MTUS2: variants seen among roughly 807,000 people sequenced by gnomAD.
MTUS2 encodes microtubule associated scaffold protein 2.
Under a neutral mutation model 114.1 loss-of-function variants are expected in MTUS2, and 40 were observed. That is an observed-to-expected ratio of 0.35 (90% CI 0.27 to 0.46). The LOEUF is 0.46. Among genes scored for constraint, MTUS2 ranks in the 20% least tolerant of loss-of-function variants. The pLI is 1.00. For synonymous variants in MTUS2, 688 were observed against 672.0 expected (o/e 1.02, Z -0.37); for missense variants, 1,679 against 1,705.4 (o/e 0.98, Z 0.27).
At chr13:29,248,064 G>T (rs1347077318) in intron 5 of MTUS2, among the ~76,000 whole-genome samples, 1 of 152,260 alleles carries the variant, frequency 6.6e-6, no homozygotes, top group African/African-American at 2.4e-5. Flanking sequence ...ATACTATTCA[G>T]CCATAAAAAG....
At chr13:29,218,333 T>G (rs959779015) in intron 5 of MTUS2, among the ~76,000 whole-genome samples, 4 of 152,240 alleles carry the variant, frequency 2.6e-5, no homozygotes, top group African/African-American at 9.6e-5. Flanking sequence ...TCGTTTGCTA[T>G]TTCTACCACA....
intron 5 of MTUS2, among the ~76,000 whole-genome samples, chr13:29,234,776 C>T (rs1896469650): frequency 6.6e-6 from 1 of 152,150 alleles, no homozygotes; most frequent in African/African-American, 2.4e-5. Context: ...CACAACCCCT[C>T]CTATTCTCAC....
chr13:29,480,446 A>G lies in MTUS2; in HGVS notation c.3399+82A>G. ...GGGGATCCAGTGCCACATTAGCAAG[A>G]AGTCCTATTCAGTAGGTGAGCTTTC... On this transcript the variant is annotated intron_variant, in intron 10 of 15. Transcript: ENST00000612955. This position sits in a 1 kb window ranked among gnomAD's most constrained non-coding sequence, Gnocchi z 4.4. The G allele has an allele frequency of 3.6e-6, 5 of 1,393,318 alleles. No homozygotes were observed. The highest frequency in any genetic ancestry group is 4.8e-6 in the Non-Finnish European group (5 of 1,046,664). 86.3% of individuals were successfully genotyped at this position (1,393,318 alleles called of 1,614,324 possible).
At chr13:29,443,141 A>C (rs1878016999) in intron 9 of MTUS2, among the ~76,000 whole-genome samples, 1 of 152,232 alleles carries the variant, frequency 6.6e-6, no homozygotes, top group Non-Finnish European at 1.5e-5. Flanking sequence ...CCCCTTCATA[A>C]AATGGAAAGT....
chr13:29,351,778 ATT>A (rs10706342), intron 7 of MTUS2, among the ~76,000 whole-genome samples: 33,739 of 140,002 alleles, frequency 0.24, 3,505 homozygotes, highest in African/African-American at 0.38. Context: ...AATTTTGTTT[ATT>A]TTTTTTTTTT....
intron 12 of MTUS2, among the ~76,000 whole-genome samples, chr13:29,495,598 TG>T (rs1882498562): frequency 6.6e-6 from 1 of 152,088 alleles, no homozygotes; most frequent in South Asian, 2.1e-4. Context: ...AGGCTAGGAA[TG>T]GTGGCTCATG....
intron 2 of MTUS2, among the ~76,000 whole-genome samples, chr13:28,880,451 C>T (rs1264011155): frequency 2.0e-5 from 3 of 152,118 alleles, no homozygotes; most frequent in South Asian, 2.1e-4. Context: ...GTCCAGGACT[C>T]GTGGTAAACA....
At chr13:29,217,481 A>G (rs1410892171) in intron 5 of MTUS2, among the ~76,000 whole-genome samples, 4 of 152,198 alleles carry the variant, frequency 2.6e-5, no homozygotes, top group African/African-American at 9.7e-5. Context: ...ATTATGTCTA[A>G]AAAATATACA....
chr13:29,098,480 G>T (rs71433302), intron 4 of MTUS2, among the ~76,000 whole-genome samples: 19 of 151,736 alleles, frequency 1.3e-4, no homozygotes, highest in East Asian at 5.8e-4. Context: ...GTGCGTGCAT[G>T]CACACACACA....
chr13:28,911,713 A>C (rs764074402), intron 2 of MTUS2, among the ~76,000 whole-genome samples: 9 of 151,908 alleles, frequency 5.9e-5, no homozygotes, highest in Non-Finnish European at 1.2e-4. Flanking sequence ...GGTATGAGAT[A>C]GTATCTCATT....
At chr13:29,379,354 A>C (rs1872018658) in intron 8 of MTUS2, among the ~76,000 whole-genome samples, 1 of 152,184 alleles carries the variant, frequency 6.6e-6, no homozygotes, top group Non-Finnish European at 1.5e-5. Context: ...TGCTGGTACC[A>C]TCCTCATGCC....
chr13:29,208,858 C>G (rs1895302586), intron 5 of MTUS2, among the ~76,000 whole-genome samples: 1 of 152,112 alleles, frequency 6.6e-6, no homozygotes, highest in Admixed American at 6.5e-5. Context: ...GTCATGTACT[C>G]TATCTTGGAG....
At chr13:29,172,544 A>G (rs975687176) in intron 5 of MTUS2, among the ~76,000 whole-genome samples, 1 of 152,210 alleles carries the variant, frequency 6.6e-6, no homozygotes, top group African/African-American at 2.4e-5. Context: ...ATCCAGTTCA[A>G]TGTCTTCTTC....
chr13:29,065,912 AC>A lies in MTUS2; in HGVS notation c.2446+31796del, dbSNP rs368476054. Among the ~76,000 whole-genome samples, 517 of 146,554 alleles carry A rather than the reference AC, an allele frequency of 3.5e-3. 3 individuals carry two copies. The highest frequency in any genetic ancestry group is 0.012 in the African/African-American group (482 of 39,724). On this transcript the variant is annotated intron_variant, in intron 4 of 15. Coordinates refer to ENST00000612955, the MANE Select transcript of MTUS2 (RefSeq NM_001033602.4). ...TTCAGAATATAATCAACAAATTCAA[AC>A]CCCCCCCCACCTGACATGCAAAGCC...
At chr13:29,072,585 C>T (rs189490715) in intron 4 of MTUS2, among the ~76,000 whole-genome samples, 1 of 152,176 alleles carries the variant, frequency 6.6e-6, no homozygotes, top group Non-Finnish European at 1.5e-5. Context: ...AAATAGAATA[C>T]CTGCTTTAAT....
intron 9 of MTUS2, among the ~76,000 whole-genome samples, chr13:29,457,311 GC>G (rs1306376829): frequency 6.6e-6 from 1 of 151,970 alleles, no homozygotes; most frequent in Non-Finnish European, 1.5e-5. Flanking sequence ...TTCCAGCCAA[GC>G]CCCCCTTCTT....
intron 2 of MTUS2, among the ~76,000 whole-genome samples, chr13:29,015,081 G>C (rs1181902694): frequency 6.6e-6 from 1 of 152,200 alleles, no homozygotes; most frequent in Non-Finnish European, 1.5e-5. Flanking sequence ...TTCTGGAAAA[G>C]CAATGTTGGA....
intron 7 of MTUS2, among the ~76,000 whole-genome samples, chr13:29,336,358 T>G (rs1901063059): frequency 6.6e-6 from 1 of 152,204 alleles, no homozygotes; most frequent in African/African-American, 2.4e-5. Flanking sequence ...TGTTATGCTA[T>G]TCCTTTCTGT....
chr13:28,973,105 G>T (rs1883931928), intron 2 of MTUS2, among the ~76,000 whole-genome samples: 1 of 152,110 alleles, frequency 6.6e-6, no homozygotes, highest in Admixed American at 6.5e-5. Flanking sequence ...TATTTTTTGA[G>T]ATTAAAATAG....
Sources: gnomAD v4.1 joint callset for allele counts (sites outside exome capture counted in the v4.1 genomes callset) on GRCh38, gnomAD v4.1.1 for gene constraint, Gnocchi (gnomAD v3.1) non-coding constraint, MANE v1.5 for transcripts, NCBI Gene and HGNC (gene_info 2026-07-23, HGNC 2026-07-21) for gene names.